TDG: variants seen among roughly 807,000 people sequenced by gnomAD.
TDG encodes the protein thymine DNA glycosylase.
A neutral mutation model predicts 46.1 loss-of-function variants in TDG; 23 were observed. That is an observed-to-expected ratio of 0.50 (90% CI 0.36 to 0.71). The LOEUF (loss-of-function observed/expected upper bound fraction) is 0.71, where lower values mean the gene tolerates loss of function less well. Among genes scored for constraint, TDG ranks in the 30% least tolerant of loss-of-function variants. The probability of loss-of-function intolerance (pLI) is 0.00; values close to 1 mark genes in which losing one functional copy is unlikely to be tolerated. For synonymous variants in TDG, 115 were observed against 161.3 expected, an observed-to-expected ratio of 0.71 and a Z score of 2.18; for missense variants, 304 against 486.7, an observed-to-expected ratio of 0.62 and a Z score of 3.53.
intron 1 of TDG, among the ~76,000 whole-genome samples, chr12:103,976,408 C>CCACACA (rs144717913): frequency 0.034 from 5,025 of 147,508 alleles, 118 homozygotes; most frequent in Middle Eastern, 0.1. Context: ...CCCTGTCTCC[C>CCACACA]CACACACACA....
intron 2 of TDG, among the ~76,000 whole-genome samples, chr12:103,977,565 G>C (rs1871600595): frequency 6.6e-6 from 1 of 152,170 alleles, no homozygotes; most frequent in Non-Finnish European, 1.5e-5. Context: ...TGGAGTCTGG[G>C]ATATAACAAG....
chr12:103,979,911 A>G lies in TDG; in HGVS notation c.247A>G (p.Lys83Glu). 1 of 1,611,060 alleles carries G rather than the reference A, an allele frequency of 6.2e-7. No homozygotes were observed. Among genetic ancestry groups the G allele is most frequent in the Non-Finnish European group, 8.5e-7 (1 of 1,179,610 alleles). Residue 83 changes from lysine (K) to glutamate (E), a missense_variant, in exon 3 of 10, where the codon AAA becomes GAA. By Grantham distance (56) the Lys-to-Glu change is moderately conservative (BLOSUM62 1). Coordinates refer to ENST00000392872, the MANE Select transcript of TDG (RefSeq NM_003211.6). The part of the protein sequence containing the change: ...PVEPKKPVES[K>E]KSGKSAKSKE... ...GGAACCCAAAAAACCTGTTGAGTCAAAAAAATCTGGCAAGTCTGCAAAATC... is the reference window on the plus strand; with the variant it reads ...GGAACCCAAAAAACCTGTTGAGTCAGAAAAATCTGGCAAGTCTGCAAAATC...
At chr12:103,974,974 CA>C (rs34864393) in intron 1 of TDG, among the ~76,000 whole-genome samples, 14,363 of 77,178 alleles carry the variant, frequency 0.19, 567 homozygotes, top group Middle Eastern at 0.26. Flanking sequence ...GACTCCGTCT[CA>C]AAAAAAAAAA....
chr12:103,981,299 G>A (rs191419211), intron 4 of TDG, among the ~76,000 whole-genome samples: 18 of 138,778 alleles, frequency 1.3e-4, no homozygotes, highest in African/African-American at 1.9e-4. Context: ...GCAATGGCGC[G>A]ATCTCGGCTC....
intron 1 of TDG, among the ~76,000 whole-genome samples, chr12:103,969,842 A>G (rs941312169): frequency 6.6e-6 from 1 of 152,162 alleles, no homozygotes; most frequent in African/African-American, 2.4e-5. Flanking sequence ...CGGGCTGATG[A>G]GGCTTTATCT....
intron 1 of TDG, among the ~76,000 whole-genome samples, chr12:103,969,243 C>G (rs149463893): frequency 2.0e-4 from 30 of 152,340 alleles, no homozygotes; most frequent in African/African-American, 6.7e-4. Flanking sequence ...GATTAAGGAA[C>G]TTGCCCACAG....
At chr12:103,982,042 A>C (rs1398741825) in intron 4 of TDG, among the ~76,000 whole-genome samples, 1 of 151,956 alleles carries the variant, frequency 6.6e-6, no homozygotes, top group Non-Finnish European at 1.5e-5. Flanking sequence ...ACAAACAAAA[A>C]ACAAGCGTAA....
chr12:103,974,984 A>G (rs976804290), intron 1 of TDG, among the ~76,000 whole-genome samples: 2 of 149,856 alleles, frequency 1.3e-5, no homozygotes, highest in African/African-American at 4.9e-5. Context: ...CAAAAAAAAA[A>G]AAAAAAAAAG....
chr12:103,979,105 C>CTTCCTTT (rs1871682172), intron 2 of TDG, among the ~76,000 whole-genome samples: 2 of 26,062 alleles, frequency 7.7e-5, no homozygotes, highest in Non-Finnish European at 7.1e-5. Context: ...TTTCTTTTTT[C>CTTCCTTT]TTTCTTTTTT....
chr12:103,983,748 A>G (rs994479281), intron 7 of TDG, among the ~76,000 whole-genome samples: 2 of 152,226 alleles, frequency 1.3e-5, no homozygotes, highest in African/African-American at 4.8e-5. Context: ...CACAGACATG[A>G]TCCTGATTAG....
At chr12:103,972,395 G>A (rs1409143062) in intron 1 of TDG, among the ~76,000 whole-genome samples, 1 of 152,188 alleles carries the variant, frequency 6.6e-6, no homozygotes, top group Non-Finnish European at 1.5e-5. Flanking sequence ...GGGATTACAG[G>A]CGTGAGCCAC....
intron 2 of TDG, among the ~76,000 whole-genome samples, chr12:103,979,090 G>A (rs1871679869): frequency 8.5e-6 from 1 of 117,124 alleles, no homozygotes; most frequent in Non-Finnish European, 1.7e-5. Flanking sequence ...ACAAGCCATT[G>A]TGTTTTTCTT....
At chr12:103,966,830 A>T (rs1039678972) in intron 1 of TDG, among the ~76,000 whole-genome samples, 26 of 152,214 alleles carry the variant, frequency 1.7e-4, no homozygotes, top group African/African-American at 6.3e-4. Context: ...AATTATCCTG[A>T]CTCTCAGTGG....
chr12:103,985,438 C>T (rs1035432207), intron 8 of TDG, among the ~76,000 whole-genome samples, 165 bp from the exon 9 acceptor site: 1 of 151,922 alleles, frequency 6.6e-6, no homozygotes, highest in African/African-American at 2.4e-5. Flanking sequence ...TTTTACAGTT[C>T]TTATGTGTTT....
rs763496855 is a variant in TDG, at chr12:103,979,992, C to A, written c.328C>A (p.Arg110Ser). 4.3e-6 allele frequency: 7 copies of A among 1,613,494 alleles called. No individual in the cohort carries two copies. The highest frequency in any genetic ancestry group is 5.9e-6 in the Non-Finnish European group (7 of 1,179,974). Reference sequence around the variant, plus strand: ...ATTTAAAGTAAAAAGAAAAGTAGACCGTTTTAATGGTGTTTCAGAAGCTGA... The same window carrying A: ...ATTTAAAGTAAAAAGAAAAGTAGACAGTTTTAATGGTGTTTCAGAAGCTGA... The part of the protein sequence containing the change: ...DTFKVKRKVD[R>S]FNGVSEAELL... The change falls in exon 3 of 10, where the codon CGT becomes AGT. Residue 110 changes from arginine to serine, a missense_variant. By Grantham distance (110) the Arg-to-Ser change is moderately radical. Coordinates refer to ENST00000392872, the MANE Select transcript of TDG (RefSeq NM_003211.6).
intron 8 of TDG, among the ~76,000 whole-genome samples, chr12:103,985,207 AC>A (rs1442748415): frequency 6.7e-6 from 1 of 148,446 alleles, no homozygotes; most frequent in South Asian, 2.1e-4. Context: ...ACACACACAC[AC>A]ATTACAGAAA....
At chr12:103,984,984 C>G in intron 8 of TDG, 64 bp downstream of exon 8, 2 of 1,259,486 alleles carry the variant, frequency 1.6e-6, no homozygotes, top group Non-Finnish European at 2.1e-6. Context: ...TATATACTTA[C>G]ATATATATAC....
Position 103,988,486 on chromosome 12 carries a change from G to A in TDG, c.*1396G>A, listed in dbSNP as rs10503. 0.055 allele frequency: 8,301 copies of A among 151,498 alleles called. 39 individuals are homozygous for A. Among genetic ancestry groups the A allele is most frequent in the Non-Finnish European group, 0.08 (5,385 of 67,358 alleles). The allele number at this position is 151,498 out of a possible 1,614,324, so 9.4% of individuals were successfully genotyped here. ...TATTTAAATGATGTACTGTACTGCTGTTTACATGGACGTTTTGTGCGGGTG... is the reference window on the plus strand; with the variant it reads ...TATTTAAATGATGTACTGTACTGCTATTTACATGGACGTTTTGTGCGGGTG... On this transcript the variant is annotated 3_prime_UTR_variant, in exon 10 of 10. Coordinates refer to ENST00000392872, the MANE Select transcript of TDG (RefSeq NM_003211.6).
intron 8 of TDG, among the ~76,000 whole-genome samples, 173 bp downstream of exon 8, chr12:103,985,093 G>A (rs1872062945): frequency 6.7e-6 from 1 of 149,262 alleles, no homozygotes. Flanking sequence ...ACATAAGTAT[G>A]TATGTCTATA....
Sources: allele counts gnomAD v4.1 joint callset (sites outside exome capture counted in the v4.1 genomes callset), GRCh38; gene constraint gnomAD v4.1.1; transcripts MANE v1.5; gene names NCBI Gene and HGNC (gene_info 2026-07-23, HGNC 2026-07-21).